The following PIK3R6 variants were observed in gnomAD, a reference collection of about 807,000 sequenced individuals.
The protein encoded by PIK3R6 is phosphoinositide 3-kinase regulatory subunit 6.
Under a neutral mutation model 84.9 loss-of-function variants are expected in PIK3R6, and 91 were observed. That is an observed-to-expected ratio of 1.07 (90% CI 0.90 to 1.28). PIK3R6 has a LOEUF of 1.28. Ranked by LOEUF, PIK3R6 falls within the 50% of genes most tolerant of loss-of-function variation. PIK3R6 has a pLI of 0.00. For missense variants in PIK3R6, 996 were observed against 985.1 expected (o/e 1.01, Z -0.15); for synonymous variants, 416 against 411.4 (o/e 1.01, Z -0.13).
In PIK3R6 at chr17:8,811,792, A is replaced by G. The variant is rs528846704; in HGVS notation, c.1995+7291T>C. Among the ~76,000 whole-genome samples, 3 of 148,316 alleles carry G rather than the reference A, an allele frequency of 2.0e-5. 1 individual carries two copies. In the Admixed American group the frequency reaches 2.1e-4, roughly 10 times the overall value. Reference sequence around the variant, plus strand: ...GGGCAAAACCATTCAAAAAGTCTCTAGGAAGTTCCAAGCTTTCCCATTTTC... The same window carrying G: ...GGGCAAAACCATTCAAAAAGTCTCTGGGAAGTTCCAAGCTTTCCCATTTTC... On this transcript the variant is annotated intron_variant, in intron 18 of 19. Transcript: ENST00000619866.
At chr17:8,830,465 T>G (rs2088196039) in intron 9 of PIK3R6, among the ~76,000 whole-genome samples, 1 of 152,148 alleles carries the variant, frequency 6.6e-6, no homozygotes, top group African/African-American at 2.4e-5. Context: ...GTATTCCCGT[T>G]TCACTTCTAT....
intron 1 of PIK3R6, among the ~76,000 whole-genome samples, chr17:8,853,053 G>T (rs1024118748): frequency 6.6e-6 from 1 of 151,744 alleles, no homozygotes; most frequent in East Asian, 1.9e-4. Flanking sequence ...AAAAATAAAG[G>T]CACAATTATA....
At chr17:8,857,463 C>T (rs986171734) in intron 1 of PIK3R6, among the ~76,000 whole-genome samples, 17 of 152,060 alleles carry the variant, frequency 1.1e-4, no homozygotes, top group African/African-American at 2.9e-4. Context: ...ACAGAACCCC[C>T]CTCTGTCTTT....
intron 9 of PIK3R6, among the ~76,000 whole-genome samples, chr17:8,831,876 T>C (rs1439517410): frequency 6.6e-6 from 1 of 152,248 alleles, no homozygotes; most frequent in Non-Finnish European, 1.5e-5. Flanking sequence ...GACGTTTCTC[T>C]GGGCTATTTC....
At chr17:8,837,996 G>T in intron 4 of PIK3R6, 125 bp from the exon 5 acceptor site, 1 of 764,022 alleles carries the variant, frequency 1.3e-6, no homozygotes, top group Non-Finnish European at 2.3e-6. Flanking sequence ...AGAGCAAAGG[G>T]CCATTGTCTG....
At chr17:8,859,005 G>T (rs1279270594) in intron 1 of PIK3R6, among the ~76,000 whole-genome samples, 5 of 132,826 alleles carry the variant, frequency 3.8e-5, no homozygotes, top group African/African-American at 5.8e-5. Flanking sequence ...CCACCCAACT[G>T]CCAGTTTGCT....
At chr17:8,835,170 G>A in intron 8 of PIK3R6, 103 bp downstream of exon 8, 1 of 1,208,070 alleles carries the variant, frequency 8.3e-7, no homozygotes, top group Non-Finnish European at 1.1e-6. Context: ...GGGGGAAAAG[G>A]TGATGCGAAA....
At chr17:8,813,010 G>GA (rs1429083168) in intron 18 of PIK3R6, among the ~76,000 whole-genome samples, 2 of 151,818 alleles carry the variant, frequency 1.3e-5, no homozygotes, top group Non-Finnish European at 2.9e-5. Context: ...AGTTAACCAA[G>GA]AAAAAAAGAG....
In PIK3R6 at chr17:8,814,614, C is replaced by T. The variant is rs117031124; in HGVS notation, c.1995+4469G>A. ...AAAAAATGAATTTGAAGAAAACTCC[C>T]CCAAAATTGAAGAAATGACAAAGAA... On this transcript the variant is annotated intron_variant, in intron 18 of 19. Transcript: ENST00000619866. 7.4e-3 allele frequency among the ~76,000 whole-genome samples: 1,125 copies of T among 151,836 alleles called. 6 individuals are homozygous for T. The highest frequency in any genetic ancestry group is 0.011 in the Non-Finnish European group (732 of 67,964).
chr17:8,824,146 G>A lies in PIK3R6; in HGVS notation c.1516-649C>T, dbSNP rs2087842878. ...TAGCCAGATGTGGTGGCACATTCCT[G>A]TAATCCCAGCTACTCAGGAGGCTAA... On this transcript the variant is annotated intron_variant, in intron 13 of 19. Transcript: ENST00000619866. Among the ~76,000 whole-genome samples the A allele has an allele frequency of 1.3e-5, 2 of 152,202 alleles. 1 individual carries two copies. Among genetic ancestry groups the A allele is most frequent in the South Asian group, 4.1e-4 (2 of 4,826 alleles).
chr17:8,855,223 CAA>C (rs112954102), intron 1 of PIK3R6, among the ~76,000 whole-genome samples: 10,257 of 144,476 alleles, frequency 0.071, 1,159 homozygotes, highest in African/African-American at 0.27. Flanking sequence ...CAAAACAAAA[CAA>C]AACAACAATA....
At chr17:8,834,248 T>A (rs996111519) in intron 8 of PIK3R6, among the ~76,000 whole-genome samples, 6 of 144,498 alleles carry the variant, frequency 4.2e-5, no homozygotes, top group Non-Finnish European at 3.0e-5. Flanking sequence ...GGCCCTGGGG[T>A]GCAAGTATGT....
In PIK3R6 at chr17:8,811,368, C is replaced by T. The variant is rs1210152573; in HGVS notation, c.1996-7215G>A. 2.7e-5 allele frequency among the ~76,000 whole-genome samples: 4 copies of T among 148,518 alleles called. 1 individual carries two copies. In the East Asian group the frequency reaches 6.7e-4, roughly 25 times the overall value. ...GGCTGCTGTGAAGACCTCTGACATG[C>T]CCTGGAGACATTTTCCCCATTGTCT... is the stretch of plus-strand genomic sequence containing the variant. On this transcript the variant is annotated intron_variant, in intron 18 of 19. Coordinates refer to ENST00000619866, the MANE Select transcript of PIK3R6 (RefSeq NM_001010855.4).
At chr17:8,831,282 A>C (rs2088229227) in intron 9 of PIK3R6, among the ~76,000 whole-genome samples, 1 of 139,646 alleles carries the variant, frequency 7.2e-6, no homozygotes, top group South Asian at 2.5e-4. Context: ...GTGAGCCATG[A>C]TCGAGCCACT....
chr17:8,828,149 C>A lies in PIK3R6; in HGVS notation c.1355G>T (p.Ser452Ile). ...TQKFCLTPRL[S>I]LQLYYIPVLA... is the part of the protein sequence containing the mutation. ...CACGGGGATGTAGTAGAGCTGCAGG[C>A]TGAGTCTGGGAGTGAGGCAGAACTT... Residue 452 changes from serine (S) to isoleucine (I), a missense_variant, in exon 12 of 20, where the codon AGC (serine) becomes ATC (isoleucine). Ser to Ile is a moderately radical substitution (Grantham distance 142). Coordinates refer to ENST00000619866, the MANE Select transcript of PIK3R6 (RefSeq NM_001010855.4). The A allele has an allele frequency of 6.2e-7, 1 of 1,613,984 alleles. No homozygotes were observed. Among genetic ancestry groups the A allele is most frequent in the Non-Finnish European group, 8.5e-7 (1 of 1,179,872 alleles).
intron 5 of PIK3R6, 24 bp from the exon 6 acceptor site, chr17:8,836,947 G>C: frequency 6.5e-7 from 1 of 1,528,502 alleles, no homozygotes; most frequent in Non-Finnish European, 8.9e-7. Flanking sequence ...AGGAGGGGGA[G>C]GTGAGAGGGA....
intron 1 of PIK3R6, among the ~76,000 whole-genome samples, chr17:8,853,919 T>C (rs2089052050): frequency 6.7e-6 from 1 of 149,078 alleles, no homozygotes; most frequent in African/African-American, 2.5e-5. Context: ...GCTGAGATCA[T>C]GCCACTGTAC....
intron 5 of PIK3R6, 58 bp downstream of exon 5, chr17:8,837,745 G>C: frequency 6.9e-7 from 1 of 1,455,438 alleles, no homozygotes; most frequent in Admixed American, 1.7e-5. Flanking sequence ...AGGGGAGAGT[G>C]TCCAGCCCAG....
At chr17:8,805,855 T>C (rs2087189573) in intron 18 of PIK3R6, among the ~76,000 whole-genome samples, 1 of 151,364 alleles carries the variant, frequency 6.6e-6, no homozygotes, top group South Asian at 2.1e-4. Flanking sequence ...GAGGCAGAGA[T>C]TGCAGTGAGC....
Sources: gnomAD v4.1 joint callset for allele counts (sites outside exome capture counted in the v4.1 genomes callset) on GRCh38, gnomAD v4.1.1 for gene constraint, MANE v1.5 for transcripts, NCBI Gene and HGNC (gene_info 2026-07-23, HGNC 2026-07-21) for gene names.